Variants in CLIC4 observed in about 807,000 individuals in gnomAD.
CLIC4 encodes the protein CLIC family member 4, also known as chloride intracellular channel protein 4.
In CLIC4, 13 loss-of-function variants were observed where a neutral mutation model predicts 24.6. The ratio of observed to expected loss-of-function variants is 0.53; its 90% CI spans 0.34 to 0.84. The LOEUF (loss-of-function observed/expected upper bound fraction) is 0.84. Among genes scored for constraint, CLIC4 ranks in the 40% least tolerant of loss-of-function variants. CLIC4 has a pLI of 0.01. For missense variants in CLIC4, 227 were observed against 301.7 expected, an observed-to-expected ratio of 0.75 and a Z score of 1.83; for synonymous variants, 104 against 111.3, an observed-to-expected ratio of 0.93 and a Z score of 0.41.
At chr1:24,803,414 A>G (rs550308067) in intron 2 of CLIC4, among the ~76,000 whole-genome samples, 56 of 152,312 alleles carry the variant, frequency 3.7e-4, no homozygotes, top group African/African-American at 1.3e-3. Flanking sequence ...CCATAAGAAC[A>G]AGCCCATTTC....
intron 3 of CLIC4, among the ~76,000 whole-genome samples, chr1:24,820,096 T>TATATATATATATATAC (rs1557812358): frequency 1.8e-5 from 2 of 109,902 alleles, no homozygotes; most frequent in African/African-American, 3.2e-5. Flanking sequence ...TATATATATA[T>TATATATATATATATAC]AGACAGTATC....
chr1:24,768,104 G>A (rs1486463230), intron 1 of CLIC4, among the ~76,000 whole-genome samples: 2 of 152,096 alleles, frequency 1.3e-5, no homozygotes, highest in Admixed American at 1.3e-4. Context: ...GCCTCCCAAA[G>A]TGTTGGGATT....
chr1:24,750,640 C>G (rs1344187417), intron 1 of CLIC4, among the ~76,000 whole-genome samples: 1 of 151,984 alleles, frequency 6.6e-6, no homozygotes, highest in Non-Finnish European at 1.5e-5. Context: ...GCTGGGATTA[C>G]AGGCGTGAGC....
At chr1:24,764,319 C>T (rs530055789) in intron 1 of CLIC4, among the ~76,000 whole-genome samples, 46 of 152,016 alleles carry the variant, frequency 3.0e-4, no homozygotes, top group African/African-American at 9.1e-4. Flanking sequence ...AGGGTGGTCT[C>T]GAACTCCCAA....
chr1:24,808,609 A>G lies in CLIC4; in HGVS notation c.183-5485A>G, dbSNP rs554950382. Among the ~76,000 whole-genome samples, 25 of 149,276 alleles carry G rather than the reference A, an allele frequency of 1.7e-4. No individual in the cohort carries two copies. The South Asian group carries it at 5.1e-3, about 30-fold the overall frequency. On this transcript the variant is annotated intron_variant, in intron 2 of 5. Coordinates refer to ENST00000374379, the MANE Select transcript of CLIC4 (RefSeq NM_013943.3). ...GGCTCGCCTCAGCCTTCCAAGTAGT[A>G]TGTGCAACACGCCTGGCTAATTTTT...
intron 2 of CLIC4, among the ~76,000 whole-genome samples, chr1:24,808,474 T>C (rs1395020969): frequency 6.6e-6 from 1 of 152,074 alleles, no homozygotes; most frequent in Non-Finnish European, 1.5e-5. Context: ...CAAGAAAAAG[T>C]CTGTACATGT....
At chr1:24,782,003 A>T (rs1328925497) in intron 1 of CLIC4, among the ~76,000 whole-genome samples, 1 of 152,164 alleles carries the variant, frequency 6.6e-6, no homozygotes, top group African/African-American at 2.4e-5. Context: ...TTTATTTTTA[A>T]TGAAACTATT....
In CLIC4 at chr1:24,745,478, G is replaced by GCCGGAGCAGTC; in HGVS notation, c.-66_-56dup. ...GCGAGCAGCACGGCGGGAACCGGCA[G>GCCGGAGCAGTC]CCGGAGCAGTCCCGGAGCAGAAGCA... On this transcript the variant is annotated 5_prime_UTR_variant, in exon 1 of 6. Transcript: ENST00000374379. The GCCGGAGCAGTC allele has an allele frequency of 7.2e-7, 1 of 1,390,918 alleles. No homozygotes were observed. Among genetic ancestry groups the GCCGGAGCAGTC allele is most frequent in the Non-Finnish European group, 9.8e-7 (1 of 1,017,714 alleles). The allele number at this position is 1,390,918 out of a possible 1,614,324, so 86.2% of individuals were successfully genotyped here.
chr1:24,754,779 TAAC>T (rs995117295), intron 1 of CLIC4, among the ~76,000 whole-genome samples: 3 of 151,844 alleles, frequency 2.0e-5, no homozygotes, highest in African/African-American at 7.3e-5. Context: ...AAATAAGAAA[TAAC>T]AATGATAGGC....
intron 5 of CLIC4, 136 bp from the exon 6 acceptor site, chr1:24,840,637 G>A: frequency 1.5e-6 from 1 of 682,034 alleles, no homozygotes; most frequent in Non-Finnish European, 2.4e-6. Flanking sequence ...TTAGAATGAT[G>A]GTGATGGACT....
chr1:24,771,885 T>A, intron 1 of CLIC4: 1 of 513,700 alleles, frequency 1.9e-6, no homozygotes, highest in Non-Finnish European at 3.9e-6. Flanking sequence ...ACCTCATCTG[T>A]CAAGTGGGTG....
At chr1:24,792,076 T>C (rs1236782891) in intron 1 of CLIC4, among the ~76,000 whole-genome samples, 3 of 150,194 alleles carry the variant, frequency 2.0e-5, no homozygotes, top group Non-Finnish European at 1.5e-5. Context: ...AAAAAGAAAT[T>C]TGAATTTTTC....
intron 4 of CLIC4, among the ~76,000 whole-genome samples, chr1:24,838,712 G>A (rs1557817001): frequency 6.6e-6 from 1 of 152,060 alleles, no homozygotes; most frequent in Non-Finnish European, 1.5e-5. Context: ...GGATAAGAAA[G>A]GATAATAGAA....
At chr1:24,773,941 A>G (rs1287183655) in intron 1 of CLIC4, among the ~76,000 whole-genome samples, 2 of 151,846 alleles carry the variant, frequency 1.3e-5, no homozygotes, top group African/African-American at 4.8e-5. Flanking sequence ...GAGAATAATT[A>G]TAAAGGAGCA....
intron 1 of CLIC4, among the ~76,000 whole-genome samples, chr1:24,775,177 T>C (rs1177160415): frequency 1.3e-5 from 2 of 151,932 alleles, no homozygotes; most frequent in Non-Finnish European, 2.9e-5. Flanking sequence ...ATGTGTTGTT[T>C]TTTTCTAGCT....
At chr1:24,782,009 C>T (rs1270648441) in intron 1 of CLIC4, among the ~76,000 whole-genome samples, 1 of 152,032 alleles carries the variant, frequency 6.6e-6, no homozygotes, top group Non-Finnish European at 1.5e-5. Context: ...TTTAATGAAA[C>T]TATTATGTTA....
At chr1:24,798,587 C>T (rs1257342517) in intron 2 of CLIC4, among the ~76,000 whole-genome samples, 8 of 152,176 alleles carry the variant, frequency 5.3e-5, no homozygotes, top group African/African-American at 1.4e-4. Flanking sequence ...CATCCCCTTC[C>T]CCAAAAGATT....
rs556887108 is a variant in CLIC4, at chr1:24,745,752, C to T, written c.72+127C>T. On this transcript the variant is annotated intron_variant, in intron 1 of 5. Coordinates refer to ENST00000374379, the MANE Select transcript of CLIC4 (RefSeq NM_013943.3). The stretch of plus-strand genomic sequence containing the variant: ...CCAGCACCCGTCCCGCTGCGGGCAC[C>T]CGCGCCCCCGGCCCATTGTCTGGGG... 9.4e-4 allele frequency: 622 copies of T among 658,908 alleles called. 1 individual carries two copies. The African/African-American group carries it at 0.01, about 11-fold the overall frequency. The allele number at this position is 658,908 out of a possible 1,614,324, so 40.8% of individuals were successfully genotyped here. A position where few individuals can be genotyped will look rare whatever the true frequency, so the allele number is the denominator to read the frequency against.
intron 1 of CLIC4, among the ~76,000 whole-genome samples, chr1:24,765,556 G>A (rs1197575887): frequency 6.6e-6 from 1 of 152,118 alleles, no homozygotes; most frequent in African/African-American, 2.4e-5. Flanking sequence ...TTAAGGGAGA[G>A]TCTGCAACTG....
Sources: gnomAD v4.1 joint callset for allele counts (sites outside exome capture counted in the v4.1 genomes callset) on GRCh38, gnomAD v4.1.1 for gene constraint, MANE v1.5 for transcripts, NCBI Gene and HGNC (gene_info 2026-07-23, HGNC 2026-07-21) for gene names.